Variants in NRP1 observed in about 807,000 individuals in gnomAD.
The protein encoded by NRP1 is neuropilin 1.
In NRP1, 35 loss-of-function variants were observed where a neutral mutation model predicts 106.7. The observed-to-expected ratio is 0.33, with a 90% CI of 0.25 to 0.43. The LOEUF (loss-of-function observed/expected upper bound fraction) is 0.43. Ranked by LOEUF, NRP1 falls within the 20% of genes least tolerant of loss-of-function variation. NRP1 has a pLI of 1.00. For synonymous variants in NRP1, 437 were observed against 417.9 expected (o/e 1.05, Z -0.56); for missense variants, 1,024 against 1,170.4 (o/e 0.87, Z 1.83).
At chr10:33,193,712 A>G (rs938626119) in intron 12 of NRP1, among the ~76,000 whole-genome samples, 35 of 152,354 alleles carry the variant, frequency 2.3e-4, no homozygotes, top group African/African-American at 7.9e-4. Flanking sequence ...TTAACAAAGT[A>G]TCTCGCCTTC....
chr10:33,195,896 G>C (rs1836749089), intron 12 of NRP1, among the ~76,000 whole-genome samples: 1 of 152,132 alleles, frequency 6.6e-6, no homozygotes, highest in African/African-American at 2.4e-5. Flanking sequence ...GACCCGCGTG[G>C]TTTGGATTGA....
intron 7 of NRP1, among the ~76,000 whole-genome samples, chr10:33,222,225 T>C (rs1839302341): frequency 6.6e-6 from 1 of 152,182 alleles, no homozygotes; most frequent in Non-Finnish European, 1.5e-5. Context: ...ACTGTTTGAC[T>C]TTCCCAAGAA....
At chr10:33,211,200 T>C (rs1252621385) in intron 9 of NRP1, 2 of 152,224 alleles carry the variant, frequency 1.3e-5, no homozygotes, top group Non-Finnish European at 2.9e-5. Flanking sequence ...ATGAATTATA[T>C]AGAGACGGGG....
intron 2 of NRP1, among the ~76,000 whole-genome samples, chr10:33,315,890 G>C (rs187570630): frequency 1.3e-5 from 2 of 152,308 alleles, no homozygotes; most frequent in African/African-American, 4.8e-5. Context: ...GCACAGGCAT[G>C]GGGCTGGGAA....
intron 10 of NRP1, 150 bp downstream of exon 10, chr10:33,207,422 G>A (rs1225336104): frequency 2.6e-6 from 2 of 768,714 alleles, no homozygotes; most frequent in East Asian, 2.6e-5. Flanking sequence ...CTGTGTCAGA[G>A]CTTTGAGTCT....
chr10:33,282,101 T>C (rs1349938803), intron 2 of NRP1, among the ~76,000 whole-genome samples: 1 of 151,476 alleles, frequency 6.6e-6, no homozygotes, highest in Admixed American at 6.6e-5. Context: ...TGGAGTTAAA[T>C]AAAGCAATTT....
At chr10:33,331,004 C>T (rs1297853943) in intron 1 of NRP1, 122 bp from the exon 2 acceptor site, 1 of 779,624 alleles carries the variant, frequency 1.3e-6, no homozygotes, top group Non-Finnish European at 2.0e-6. Flanking sequence ...CTAAAAGGTC[C>T]CCGTAAGTCC....
At chr10:33,284,050 T>G (rs537045813) in intron 2 of NRP1, among the ~76,000 whole-genome samples, 2 of 152,286 alleles carry the variant, frequency 1.3e-5, no homozygotes, top group South Asian at 4.1e-4. Context: ...AAAGCAAACA[T>G]GTCCAAATGT....
intron 4 of NRP1, among the ~76,000 whole-genome samples, chr10:33,258,221 A>C (rs1842332772): frequency 6.6e-6 from 1 of 152,210 alleles, no homozygotes; most frequent in African/African-American, 2.4e-5. Context: ...ACAGGTTTTC[A>C]GCTCTTGGCC....
At chr10:33,201,568 G>C (rs1837310777) in intron 11 of NRP1, 1 of 152,170 alleles carries the variant, frequency 6.6e-6, no homozygotes, top group African/African-American at 2.4e-5. Flanking sequence ...ATCAGTGGTT[G>C]AGTTTTCAAC....
chr10:33,209,510 T>C (rs772722622), intron 9 of NRP1, among the ~76,000 whole-genome samples: 2 of 152,206 alleles, frequency 1.3e-5, no homozygotes, highest in Non-Finnish European at 2.9e-5. Context: ...GGAGTCTTGC[T>C]CTGTCACCAA....
At chr10:33,330,284 T>C (rs1389953740) in intron 2 of NRP1, among the ~76,000 whole-genome samples, 1 of 151,922 alleles carries the variant, frequency 6.6e-6, no homozygotes, top group East Asian at 1.9e-4. Context: ...ATATCTCAAA[T>C]AGTGAGATCT....
chr10:33,227,055 C>G (rs1159794469), intron 6 of NRP1, among the ~76,000 whole-genome samples: 1 of 152,052 alleles, frequency 6.6e-6, no homozygotes, highest in African/African-American at 2.4e-5. Context: ...TCTTTTTGTC[C>G]ACAAAAGACA....
chr10:33,231,319 T>C (rs898162180), intron 6 of NRP1, among the ~76,000 whole-genome samples: 2 of 152,232 alleles, frequency 1.3e-5, no homozygotes, highest in Non-Finnish European at 2.9e-5. Context: ...TGAAAATTCA[T>C]AAAATGCAGT....
chr10:33,190,710 A>C (rs966630338), intron 13 of NRP1, among the ~76,000 whole-genome samples: 1 of 152,124 alleles, frequency 6.6e-6, no homozygotes, highest in Admixed American at 6.5e-5. Context: ...TTGAGCAAGC[A>C]GTGCTCTGTA....
chr10:33,267,477 A>G (rs1162338277), intron 3 of NRP1, among the ~76,000 whole-genome samples: 1 of 152,208 alleles, frequency 6.6e-6, no homozygotes, highest in African/African-American at 2.4e-5. Flanking sequence ...ATAAGGACAG[A>G]GAATAATAAC....
chr10:33,315,328 GAGA>G (rs1479313817), intron 2 of NRP1, among the ~76,000 whole-genome samples: 1 of 152,244 alleles, frequency 6.6e-6, no homozygotes, highest in Non-Finnish European at 1.5e-5. Context: ...CCATGTAAAT[GAGA>G]AGAATAAGTG....
intron 3 of NRP1, among the ~76,000 whole-genome samples, chr10:33,267,873 T>C (rs1371895495): frequency 1.3e-5 from 2 of 152,158 alleles, no homozygotes; most frequent in South Asian, 2.1e-4. Context: ...GCTGGCCTTG[T>C]TGACTGTCAG....
At chr10:33,182,020 G>C (rs138661974) in intron 16 of NRP1, among the ~76,000 whole-genome samples, 2 of 152,214 alleles carry the variant, frequency 1.3e-5, no homozygotes, top group Non-Finnish European at 2.9e-5. Context: ...CTTGAACCTG[G>C]CAGGTGGAGG....
Sources: allele counts gnomAD v4.1 joint callset (sites outside exome capture counted in the v4.1 genomes callset), GRCh38; gene constraint gnomAD v4.1.1; transcripts MANE v1.5; gene names NCBI Gene and HGNC (gene_info 2026-07-23, HGNC 2026-07-21).